The following PCDHA10 variants were observed in gnomAD, a reference collection of about 807,000 sequenced individuals.
PCDHA10 encodes the protein protocadherin alpha-10.
A neutral mutation model predicts 61.2 loss-of-function variants in PCDHA10; 45 were observed. That is an observed-to-expected ratio of 0.74 (90% confidence interval 0.58 to 0.94). The LOEUF (loss-of-function observed/expected upper bound fraction) is 0.94, where lower values mean the gene tolerates loss of function less well. Ranked by LOEUF, PCDHA10 falls within the 40% of genes least tolerant of loss-of-function variation. The probability of loss-of-function intolerance (pLI) is 0.00; values close to 1 mark genes in which losing one functional copy is unlikely to be tolerated. For missense variants in PCDHA10, 1,278 were observed against 1,236.2 expected (o/e 1.03, Z -0.51); for synonymous variants, 602 against 548.8 (o/e 1.10, Z -1.35).
rs781784109 is a variant in PCDHA10, at chr5:140,857,234, C to A, written c.1186C>A (p.Leu396Met). The A allele has an allele frequency of 6.3e-7, 1 of 1,598,590 alleles. No individual in the cohort carries two copies. Among genetic ancestry groups the A allele is most frequent in the South Asian group, 1.1e-5 (1 of 90,538 alleles). The part of the protein sequence containing the change: ...CSLTPHVPFK[L>M]VSTYKNYYSL... ...TCTGACGCCTCACGTTCCGTTCAAG[C>A]TGGTGTCCACCTACAAGAATTACTA... The change falls in exon 1 of 4, where the codon CTG becomes ATG. Residue 396 changes from leucine to methionine, a missense_variant. Leu to Met is a conservative substitution (Grantham distance 15). Transcript: ENST00000307360.
chr5:140,980,684 G>GAA (rs782726576), intron 2 of PCDHA10, among the ~76,000 whole-genome samples: 2 of 145,064 alleles, frequency 1.4e-5, no homozygotes, highest in African/African-American at 5.1e-5. Context: ...TTTTCAAATT[G>GAA]AAAAAAAAAA....
chr5:140,998,003 T>C (rs2097793100), intron 3 of PCDHA10, among the ~76,000 whole-genome samples: 1 of 152,134 alleles, frequency 6.6e-6, no homozygotes, highest in Admixed American at 6.6e-5. Context: ...CCTCTGAGCC[T>C]TCCATCCCCA....
intron 1 of PCDHA10, among the ~76,000 whole-genome samples, chr5:140,962,568 A>G (rs915587591): frequency 6.6e-6 from 1 of 152,222 alleles, no homozygotes; most frequent in Non-Finnish European, 1.5e-5. Context: ...CTAAAAGCCA[A>G]TTGTTAATGC....
At chr5:140,862,614 C>A (rs939104961) in intron 1 of PCDHA10, 11 of 523,250 alleles carry the variant, frequency 2.1e-5, no homozygotes, top group Non-Finnish European at 3.9e-5. Flanking sequence ...TGAAAGGTAA[C>A]AACCCGCGGG....
intron 2 of PCDHA10, chr5:140,982,197 A>G: frequency 1.5e-5 from 6 of 389,618 alleles, no homozygotes; most frequent in Non-Finnish European, 2.1e-5. Flanking sequence ...TTCCTGTTAG[A>G]TTTAGTGAGC....
intron 1 of PCDHA10, chr5:140,862,603 G>A (rs2047445390): frequency 3.9e-6 from 2 of 515,596 alleles, no homozygotes; most frequent in Non-Finnish European, 7.9e-6. Context: ...CATGGTGTTC[G>A]TGAAAGGTAA....
intron 1 of PCDHA10, among the ~76,000 whole-genome samples, chr5:140,924,969 A>C (rs781957377): frequency 5.3e-5 from 8 of 151,756 alleles, no homozygotes. Flanking sequence ...AGGTGAGTGC[A>C]GTGGCTCATG....
chr5:140,954,161 C>G (rs2094990748), intron 1 of PCDHA10, among the ~76,000 whole-genome samples: 1 of 152,200 alleles, frequency 6.6e-6, no homozygotes, highest in African/African-American at 2.4e-5. Context: ...ATATGTACCA[C>G]ATTTTCTTTA....
chr5:140,986,366 G>A (rs149115330), intron 3 of PCDHA10, among the ~76,000 whole-genome samples: 226 of 152,252 alleles, frequency 1.5e-3, no homozygotes, highest in African/African-American at 5.1e-3. Context: ...GGAGGAATGC[G>A]TTTTGGGGGG....
At chr5:140,884,569 G>A (rs144735555) in intron 1 of PCDHA10, 2 of 1,614,008 alleles carry the variant, frequency 1.2e-6, no homozygotes, top group East Asian at 2.2e-5. Context: ...CGCATAAGAC[G>A]GACCTCATGG....
chr5:140,929,549 T>G, intron 1 of PCDHA10: 1 of 500,966 alleles, frequency 2.0e-6, no homozygotes, highest in Non-Finnish European at 3.3e-6. Context: ...GGGCAAAAAT[T>G]AAAACCTATT....
chr5:140,945,201 T>G (rs1168662297), intron 1 of PCDHA10, among the ~76,000 whole-genome samples: 1 of 152,172 alleles, frequency 6.6e-6, no homozygotes, highest in Middle Eastern at 3.4e-3. Context: ...CTATTTACAA[T>G]AGCTATGAGA....
rs978053855 is a variant in PCDHA10 at position 141,009,492 on chromosome 5, A to T, written c.2537-135A>T. 4 of 1,478,558 alleles carry T rather than the reference A, an allele frequency of 2.7e-6. No individual in the cohort carries two copies. In the African/African-American group the frequency reaches 5.6e-5, roughly 21 times the overall value. The allele number at this position is 1,478,558 out of a possible 1,614,324, so 91.6% of individuals were successfully genotyped here. ...ATAAGTAAACACTTGCCTTGCCCTCAGACTTGAACAAACAACTCGTGATTT... is the reference window on the plus strand; with the variant it reads ...ATAAGTAAACACTTGCCTTGCCCTCTGACTTGAACAAACAACTCGTGATTT... On this transcript the variant is annotated intron_variant, in intron 3 of 3. Coordinates refer to ENST00000307360, the MANE Select transcript of PCDHA10 (RefSeq NM_018901.4).
rs1554151358 is a variant in PCDHA10 at position 140,858,270 on chromosome 5, G to A, written c.2222G>A (p.Ser741Asn). Residue 741 changes from serine to asparagine, a missense_variant, in exon 1 of 4, where the codon AGC becomes AAC. Ser to Asn is a conservative substitution (Grantham distance 46). Transcript: ENST00000307360. Reference protein sequence around the residue: ...GPVKPTLVCSSAVGSWSYSQQ... With the variant: ...GPVKPTLVCSNAVGSWSYSQQ... ...GTGAAGCCCACGCTGGTGTGCTCTA[G>A]CGCGGTGGGGAGCTGGTCTTACTCG... is the stretch of plus-strand genomic sequence containing the variant. 6.3e-7 allele frequency: 1 copy of A among 1,597,416 alleles called. No individual in the cohort carries two copies. The highest frequency in any genetic ancestry group is 1.1e-5 in the South Asian group (1 of 90,502).
chr5:140,978,868 G>C (rs2096826928), intron 1 of PCDHA10, 81 bp from the exon 2 acceptor site: 2 of 1,606,078 alleles, frequency 1.2e-6, no homozygotes, highest in Non-Finnish European at 1.7e-6. Context: ...ATATTTAAGG[G>C]AGTAACTAAT....
chr5:140,968,355 G>C lies in PCDHA10; in HGVS notation c.2389-10594G>C. On this transcript the variant is annotated intron_variant, in intron 1 of 3. Transcript: ENST00000307360. ...GTCTCCATTAACAGTGCCAGTGGCA[G>C]CCTTTATGCTGTCAACTCCTTTGAC... 1 of 1,614,080 alleles carries C rather than the reference G, an allele frequency of 6.2e-7. No individual in the cohort carries two copies. The highest frequency in any genetic ancestry group is 8.5e-7 in the Non-Finnish European group (1 of 1,180,010).
intron 1 of PCDHA10, among the ~76,000 whole-genome samples, chr5:140,879,144 G>A (rs1309421547): frequency 6.6e-6 from 1 of 152,168 alleles, no homozygotes; most frequent in Non-Finnish European, 1.5e-5. Context: ...TGTGAAGGCA[G>A]GAAAGCTATT....
chr5:140,987,398 A>G (rs935672912), intron 3 of PCDHA10, among the ~76,000 whole-genome samples: 4 of 152,140 alleles, frequency 2.6e-5, no homozygotes, highest in African/African-American at 9.7e-5. Context: ...CAAGGAAGCC[A>G]TCTGTTTATG....
At chr5:140,971,807 T>C in intron 1 of PCDHA10, among the ~76,000 whole-genome samples, 1 of 152,270 alleles carries the variant, frequency 6.6e-6, no homozygotes, top group Middle Eastern at 3.4e-3. Context: ...TATTATAATA[T>C]TGAATACATA....
Sources: gnomAD v4.1 joint callset for allele counts (sites outside exome capture counted in the v4.1 genomes callset) on GRCh38, gnomAD v4.1.1 for gene constraint, MANE v1.5 for transcripts, NCBI Gene and HGNC (gene_info 2026-07-23, HGNC 2026-07-21) for gene names.